Variants in FBXL17 observed in about 807,000 individuals in gnomAD.
FBXL17 encodes F-box/LRR-repeat protein 17.
Under a neutral mutation model 66.2 loss-of-function variants are expected in FBXL17, and 22 were observed. That is an observed-to-expected ratio of 0.33 (90% CI 0.24 to 0.47). The LOEUF (loss-of-function observed/expected upper bound fraction) is 0.47, where lower values mean the gene tolerates loss of function less well. Among genes scored for constraint, FBXL17 ranks in the 20% least tolerant of loss-of-function variants. The probability of loss-of-function intolerance (pLI) is 1.00; values close to 1 mark genes in which losing one functional copy is unlikely to be tolerated. For synonymous variants in FBXL17, 474 were observed against 400.5 expected (o/e 1.18, Z -2.19); for missense variants, 878 against 948.2 (o/e 0.93, Z 0.97).
At chr5:108,340,141 A>G (rs1441259300) in intron 4 of FBXL17, among the ~76,000 whole-genome samples, 2 of 151,862 alleles carry the variant, frequency 1.3e-5, no homozygotes, top group East Asian at 3.8e-4. Context: ...AAAAAAAAAA[A>G]CCTTAAGAGA....
intron 6 of FBXL17, among the ~76,000 whole-genome samples, chr5:108,096,310 T>C (rs1322469131): frequency 6.6e-6 from 1 of 152,206 alleles, no homozygotes; most frequent in African/African-American, 2.4e-5. Flanking sequence ...ATAGAAAATA[T>C]AGTGTTTTTC....
intron 5 of FBXL17, among the ~76,000 whole-genome samples, chr5:108,186,759 C>A (rs1417650269): frequency 1.4e-5 from 2 of 146,626 alleles, no homozygotes; most frequent in African/African-American, 5.1e-5. Flanking sequence ...CAGAGTGAGA[C>A]TGCGTATCAA....
chr5:108,317,631 C>A (rs77385329), intron 4 of FBXL17, among the ~76,000 whole-genome samples: 1 of 151,016 alleles, frequency 6.6e-6, no homozygotes, highest in East Asian at 1.9e-4. Context: ...AGGTTAACTA[C>A]GTAAGTACAA....
intron 6 of FBXL17, among the ~76,000 whole-genome samples, chr5:108,058,280 T>A (rs1747787363): frequency 6.6e-6 from 1 of 152,216 alleles, no homozygotes. Flanking sequence ...AGATTTAAAC[T>A]GAGGTAAATG....
At chr5:107,982,193 T>G (rs923456571) in intron 7 of FBXL17, among the ~76,000 whole-genome samples, 1 of 152,186 alleles carries the variant, frequency 6.6e-6, no homozygotes, top group Non-Finnish European at 1.5e-5. Flanking sequence ...AAGAGAGTCT[T>G]GTCTTTAGTA....
intron 7 of FBXL17, among the ~76,000 whole-genome samples, chr5:107,969,568 T>G (rs1752291311): frequency 6.6e-6 from 1 of 152,140 alleles, no homozygotes; most frequent in South Asian, 2.1e-4. Context: ...CAGATGCCCT[T>G]GTTAAAATAT....
chr5:108,055,298 AAAAAAAAAAAAAAAAG>A lies in FBXL17; in HGVS notation c.1746-34313_1746-34298del, dbSNP rs1236638850. 2.1e-3 allele frequency among the ~76,000 whole-genome samples: 67 copies of A among 32,182 alleles called. 1 individual carries two copies. The highest frequency in any genetic ancestry group is 7.4e-3 in the African/African-American group (52 of 7,060). The allele number at this position is 32,182 out of a possible 152,430, so 21.1% of individuals were successfully genotyped here. Reference sequence around the variant, plus strand: ...ATTTTTAGAAAAAAAAAAAAAAAAAAAAAAAAAAAAAAAAAGAAAAACGCTTCAGGCCGGGCACGGT... The same window carrying A: ...ATTTTTAGAAAAAAAAAAAAAAAAAAAAAAACGCTTCAGGCCGGGCACGGT... On this transcript the variant is annotated intron_variant, in intron 6 of 8. Coordinates refer to ENST00000542267, the MANE Select transcript of FBXL17 (RefSeq NM_001163315.3).
At chr5:108,022,386 C>T (rs4957735) in intron 6 of FBXL17, among the ~76,000 whole-genome samples, 49,800 of 151,668 alleles carry the variant, frequency 0.33, 9,460 homozygotes, top group Admixed American at 0.43. Flanking sequence ...AAAACAGAAA[C>T]GAAACATTAC....
At chr5:107,936,280 GTT>G (rs1750907302) in intron 7 of FBXL17, among the ~76,000 whole-genome samples, 1 of 151,968 alleles carries the variant, frequency 6.6e-6, no homozygotes, top group Admixed American at 6.6e-5. Flanking sequence ...TTATATAACT[GTT>G]TTACACTCAA....
rs528985230 is a variant in FBXL17, at chr5:108,377,913, T to C, written c.993+2786A>G. On this transcript the variant is annotated intron_variant, in intron 1 of 8. Transcript: ENST00000542267. ...TCACTGCAACCAAGTAGCATCTTGT[T>C]TGAAACCTGCCTGACTTTAGCTATT... 5.9e-5 allele frequency among the ~76,000 whole-genome samples: 9 copies of C among 152,358 alleles called. No individual in the cohort carries two copies. In the East Asian group the frequency reaches 1.7e-3, roughly 29 times the overall value.
chr5:108,009,261 T>TTATATATATATATATA (rs375853217), intron 7 of FBXL17, among the ~76,000 whole-genome samples: 7 of 20,860 alleles, frequency 3.4e-4, no homozygotes, highest in Non-Finnish European at 5.1e-4. Flanking sequence ...GTTCCCTGTT[T>TTATATATATATATATA]TATATATATA....
intron 6 of FBXL17, among the ~76,000 whole-genome samples, chr5:108,143,331 CAGA>C (rs1401021402): frequency 1.4e-5 from 2 of 147,714 alleles, no homozygotes; most frequent in African/African-American, 5.1e-5. Flanking sequence ...CAAGTTTTAC[CAGA>C]AGAACAGCAT....
At chr5:107,880,767 T>C in intron 8 of FBXL17, 1 of 1,311,872 alleles carries the variant, frequency 7.6e-7, no homozygotes, top group East Asian at 2.8e-5. Flanking sequence ...ATGAATAGGA[T>C]GCCAAACTCT....
chr5:108,367,959 A>C lies in FBXL17; in HGVS notation c.994-6T>G. 6.5e-7 allele frequency: 1 copy of C among 1,549,784 alleles called. No homozygotes were observed. Among genetic ancestry groups the C allele is most frequent in the Non-Finnish European group, 8.7e-7 (1 of 1,145,858 alleles). On this transcript the variant is annotated splice_region_variant and splice_polypyrimidine_tract_variant and intron_variant, in intron 1 of 8. Coordinates refer to ENST00000542267, the MANE Select transcript of FBXL17 (RefSeq NM_001163315.3). ...AGTGACAAATTGGAAAATATCTGTG[A>C]ATAAAAAACGGTACCATATAATATG...
chr5:108,369,969 A>C (rs1411585154), intron 1 of FBXL17, among the ~76,000 whole-genome samples: 4 of 152,230 alleles, frequency 2.6e-5, no homozygotes, highest in African/African-American at 9.6e-5. Flanking sequence ...AGGTGACCAG[A>C]GGTCAGGGCA....
chr5:107,894,634 G>T (rs1353628492), intron 7 of FBXL17, among the ~76,000 whole-genome samples: 1 of 152,058 alleles, frequency 6.6e-6, no homozygotes, highest in East Asian at 1.9e-4. Context: ...AAGAAAACCA[G>T]CTGGAGCTGA....
chr5:108,349,838 G>T (rs946222039), intron 3 of FBXL17, among the ~76,000 whole-genome samples: 5 of 152,088 alleles, frequency 3.3e-5, no homozygotes, highest in African/African-American at 1.2e-4. Context: ...CAGGAAAGCA[G>T]ATTTTTTAAA....
At chr5:108,227,340 G>A (rs1370763864) in intron 4 of FBXL17, among the ~76,000 whole-genome samples, 2 of 151,896 alleles carry the variant, frequency 1.3e-5, no homozygotes, top group Admixed American at 6.6e-5. Context: ...TTCGTCTCCC[G>A]CACCTCCAAA....
At position 107,880,617 on chromosome 5, in the gene FBXL17, C is replaced by T. The variant is rs372376469; in HGVS notation, c.1965+420G>A. 146 of 1,110,262 alleles carry T rather than the reference C, an allele frequency of 1.3e-4. No homozygotes were observed. The African/African-American group carries it at 2.3e-3, about 17-fold the overall frequency. 68.8% of individuals were successfully genotyped at this position (1,110,262 alleles called of 1,614,324 possible). ...ATAGATGTTCAGTACCAAAATTACA[C>T]ACTTGTGAAAAACCAATTTGGCACT... On this transcript the variant is annotated intron_variant, in intron 8 of 8. Transcript: ENST00000542267.
Sources: allele counts gnomAD v4.1 joint callset (sites outside exome capture counted in the v4.1 genomes callset), GRCh38; gene constraint gnomAD v4.1.1; transcripts MANE v1.5; gene names NCBI Gene and HGNC (gene_info 2026-07-23, HGNC 2026-07-21).